The following SYTL4 variants were observed in gnomAD, a reference collection of about 807,000 sequenced individuals.
The protein encoded by SYTL4 is synaptotagmin-like protein 4.
A neutral mutation model predicts 52.7 loss-of-function variants in SYTL4; 16 were observed. That is an observed-to-expected ratio of 0.30 (90% CI 0.21 to 0.46). SYTL4 has a LOEUF of 0.46. Ranked by LOEUF, SYTL4 falls within the 20% of genes least tolerant of loss-of-function variation. The probability of loss-of-function intolerance (pLI) is 1.00; values close to 1 mark genes in which losing one functional copy is unlikely to be tolerated. For synonymous variants in SYTL4, 160 were observed against 186.6 expected (o/e 0.86, Z 1.16); for missense variants, 423 against 519.9 (o/e 0.81, Z 1.81).
chrX:100,689,438 G>A (rs1377848505), intron 12 of SYTL4, among the ~76,000 whole-genome samples: 3 of 105,725 alleles, frequency 2.8e-5, no homozygotes, highest in Non-Finnish European at 5.8e-5. Context: ...AGGAGTTTGC[G>A]ACCAGCCTGG....
At chrX:100,716,754 T>C (rs2084235297) in intron 2 of SYTL4, among the ~76,000 whole-genome samples, 1 of 110,737 alleles carries the variant, frequency 9.0e-6, no homozygotes, top group African/African-American at 3.3e-5. Context: ...TTGGTTATTG[T>C]ATCAACTGCC....
chrX:100,731,068 T>TC (rs1472789390), intron 2 of SYTL4, among the ~76,000 whole-genome samples: 1 of 111,578 alleles, frequency 9.0e-6, no homozygotes, highest in Non-Finnish European at 1.9e-5. Flanking sequence ...CGTCCTCTAA[T>TC]CCTGAAGAAG....
chrX:100,699,104 C>A (rs965705555), intron 8 of SYTL4, among the ~76,000 whole-genome samples: 2 of 111,646 alleles, frequency 1.8e-5, no homozygotes, highest in African/African-American at 6.5e-5. Context: ...TGGTGACTCA[C>A]ACCTGTAATC....
intron 12 of SYTL4, among the ~76,000 whole-genome samples, chrX:100,689,376 TAA>T (rs762461988): frequency 1.6e-4 from 14 of 89,218 alleles, no homozygotes; most frequent in Admixed American, 2.5e-4. Context: ...TGCTGTCTCT[TAA>T]AAAAAAAAAA....
intron 2 of SYTL4, among the ~76,000 whole-genome samples, chrX:100,722,257 C>T (rs960845378): frequency 2.8e-5 from 3 of 108,965 alleles, no homozygotes; most frequent in African/African-American, 9.9e-5. Flanking sequence ...AAAAAAAAAT[C>T]ACACTCTGGT....
intron 2 of SYTL4, among the ~76,000 whole-genome samples, chrX:100,727,805 G>A (rs1048358306): frequency 9.0e-6 from 1 of 111,507 alleles, no homozygotes; most frequent in Non-Finnish European, 1.9e-5. Context: ...GGTGATCTTA[G>A]GTTCTTGGTT....
chrX:100,678,280 A>G (rs928893896), intron 19 of SYTL4, 111 bp downstream of exon 19: 2 of 545,818 alleles, frequency 3.7e-6, no homozygotes, highest in Non-Finnish European at 6.0e-6. Flanking sequence ...CTGAAAGGAA[A>G]GAAGACAACT....
Position 100,701,494 on chromosome X carries a change from T to C in SYTL4, c.290A>G (p.Asn97Ser), listed in dbSNP as rs1300548255. Residue 97 changes from asparagine (N) to serine (S), a missense_variant, in exon 6 of 20, where the codon AAT becomes AGT. Coordinates refer to ENST00000372989, the MANE Select transcript of SYTL4 (RefSeq NM_001370165.1). ...GCACACCTTGCACCTCCAGGTACCA[T>C]TGCTTTCCTGTATGCGGCAGTCCCG... ...VCRDCRIQESNGTWRCKVCAK... is the reference protein window; with the variant it reads ...VCRDCRIQESSGTWRCKVCAK... 6.6e-6 allele frequency: 8 copies of C among 1,211,823 alleles called. No individual in the cohort carries two copies. The highest frequency in any genetic ancestry group is 2.3e-4 in the Middle Eastern group (1 of 4,353).
At chrX:100,724,472 A>G (rs6616179) in intron 2 of SYTL4, among the ~76,000 whole-genome samples, 31,318 of 101,388 alleles carry the variant, frequency 0.31, 5,147 homozygotes, top group East Asian at 0.49. Flanking sequence ...GATGGTTGCC[A>G]TGTCTGTGTA....
At chrX:100,721,807 TTC>T (rs1488043343) in intron 2 of SYTL4, among the ~76,000 whole-genome samples, 3 of 110,934 alleles carry the variant, frequency 2.7e-5, no homozygotes, top group Admixed American at 9.6e-5. Flanking sequence ...TATTGTTTCT[TTC>T]TCTTTTTTTT....
chrX:100,679,291 T>G, intron 18 of SYTL4, 22 bp downstream of exon 18: 3 of 1,136,800 alleles, frequency 2.6e-6, no homozygotes, highest in Non-Finnish European at 3.6e-6. Flanking sequence ...CTGGTTAATT[T>G]GGGGCTGGTC....
chrX:100,727,651 C>T (rs1398823277), intron 2 of SYTL4, among the ~76,000 whole-genome samples: 4 of 112,280 alleles, frequency 3.6e-5, no homozygotes, highest in Non-Finnish European at 7.5e-5. Context: ...TTGTGGCAGA[C>T]GTGTGGTGGC....
At chrX:100,724,690 A>G (rs1185851832) in intron 2 of SYTL4, among the ~76,000 whole-genome samples, 1 of 102,817 alleles carries the variant, frequency 9.7e-6, no homozygotes, top group African/African-American at 3.6e-5. Context: ...GTTAAGAGTC[A>G]TCACCACTCC....
chrX:100,728,548 T>C (rs780845726), intron 2 of SYTL4, among the ~76,000 whole-genome samples: 19 of 111,825 alleles, frequency 1.7e-4, no homozygotes, highest in African/African-American at 6.2e-4. Flanking sequence ...TCTTTTGAGC[T>C]GTTCACTTCC....
At chrX:100,679,639 T>C (rs927875581) in intron 17 of SYTL4, among the ~76,000 whole-genome samples, 4 of 112,407 alleles carry the variant, frequency 3.6e-5, no homozygotes, top group Middle Eastern at 4.2e-3. Context: ...AAACTGGCTA[T>C]GTGCCAGATA....
chrX:100,683,873 A>G (rs911849468), intron 16 of SYTL4, among the ~76,000 whole-genome samples: 2 of 111,945 alleles, frequency 1.8e-5, no homozygotes, highest in African/African-American at 6.5e-5. Context: ...ATATTTACAA[A>G]GAGCAAAGAC....
At chrX:100,680,446 G>C (rs1241093509) in intron 17 of SYTL4, among the ~76,000 whole-genome samples, 1 of 110,611 alleles carries the variant, frequency 9.0e-6, no homozygotes, top group Non-Finnish European at 1.9e-5. Flanking sequence ...AAGGGATCAA[G>C]TGAAACTCTT....
chrX:100,723,512 C>A (rs1417024218), intron 2 of SYTL4, among the ~76,000 whole-genome samples: 1 of 112,225 alleles, frequency 8.9e-6, no homozygotes, highest in Non-Finnish European at 1.9e-5. Flanking sequence ...TCCCAAAGTG[C>A]CGAGATTGCA....
chrX:100,709,882 T>A (rs1427846725), intron 2 of SYTL4, among the ~76,000 whole-genome samples: 2 of 112,025 alleles, frequency 1.8e-5, no homozygotes, highest in African/African-American at 6.5e-5. Context: ...AGTTAAAGTT[T>A]CAGGCTATTG....
Sources: allele counts gnomAD v4.1 joint callset (sites outside exome capture counted in the v4.1 genomes callset), GRCh38; gene constraint gnomAD v4.1.1; transcripts MANE v1.5; gene names NCBI Gene and HGNC (gene_info 2026-07-23, HGNC 2026-07-21).